The following OR6N1 variants were observed in gnomAD, a reference collection of about 807,000 sequenced individuals.
OR6N1 encodes the protein olfactory receptor 6N1.
For missense variants in OR6N1, 394 were observed against 371.7 expected, an observed-to-expected ratio of 1.06 and a Z score of -0.49; for synonymous variants, 170 against 150.7, an observed-to-expected ratio of 1.13 and a Z score of -0.94.
At chr1:158,775,644 A>G (rs1215067385), upstream of OR6N1, 1 of 152,250 alleles carries the variant, frequency 6.6e-6, no homozygotes, top group Non-Finnish European at 1.5e-5. Context: ...TGGGTAGAAT[A>G]TTATTACATT....
At chr1:158,828,991 C>T in the OR6N1 span, among the ~76,000 whole-genome samples, 13,067 of 152,296 alleles carry the variant, frequency 0.086, 665 homozygotes, top group East Asian at 0.12. Flanking sequence ...TAGCCCCCTT[C>T]AGCCACTGCT....
chr1:158,780,739 G>A, the OR6N1 span, among the ~76,000 whole-genome samples: 67 of 152,208 alleles, frequency 4.4e-4, no homozygotes, highest in Middle Eastern at 0.014. Context: ...TAGAATTATC[G>A]TTCATTGGGG....
At chr1:158,813,167 A>G in the OR6N1 span, among the ~76,000 whole-genome samples, 1 of 152,242 alleles carries the variant, frequency 6.6e-6, no homozygotes, top group African/African-American at 2.4e-5. Flanking sequence ...CATTGCTTAT[A>G]GGAGTACAAA....
At chr1:158,824,789 T>C in the OR6N1 span, among the ~76,000 whole-genome samples, 1 of 152,192 alleles carries the variant, frequency 6.6e-6, no homozygotes, top group Admixed American at 6.5e-5. Flanking sequence ...ACTGGACCCC[T>C]TCCTTACCCC....
chr1:158,765,734 C>T lies in OR6N1; in HGVS notation c.*10G>A, dbSNP rs140306199. On this transcript the variant is annotated 3_prime_UTR_variant, in exon 2 of 2. Coordinates refer to ENST00000641846, the MANE Select transcript of OR6N1 (RefSeq NM_001005185.2). ...CTCAGGCCCGGCCTTGGCCTACTCT[C>T]AGCCCCAACTCATGCCAATATCCCA... The T allele has an allele frequency of 9.6e-5, 154 of 1,603,986 alleles. No individual in the cohort carries two copies. In the African/African-American group the frequency reaches 2.0e-3, roughly 20 times the overall value.
At chr1:158,809,041 T>A in the OR6N1 span, 2 of 152,762 alleles carry the variant, frequency 1.3e-5, no homozygotes, top group African/African-American at 2.4e-5. Context: ...CATAGCTGAA[T>A]AAAGCATACA....
the OR6N1 span, among the ~76,000 whole-genome samples, chr1:158,791,964 G>A: frequency 1.3e-5 from 2 of 152,104 alleles, no homozygotes; most frequent in Non-Finnish European, 2.9e-5. Flanking sequence ...TTTATGCCTC[G>A]ATTATCTGTC....
the OR6N1 span, among the ~76,000 whole-genome samples, chr1:158,790,593 A>C: frequency 6.6e-6 from 1 of 151,836 alleles, no homozygotes; most frequent in South Asian, 2.1e-4. Flanking sequence ...TTTAGTAGAG[A>C]TGGGGTTTCA....
chr1:158,798,920 G>T, the OR6N1 span, among the ~76,000 whole-genome samples: 1 of 152,118 alleles, frequency 6.6e-6, no homozygotes, highest in Non-Finnish European at 1.5e-5. Flanking sequence ...AACCGGGCAG[G>T]CTGGCTCCCT....
At chr1:158,785,131 G>A in the OR6N1 span, among the ~76,000 whole-genome samples, 8 of 152,126 alleles carry the variant, frequency 5.3e-5, no homozygotes, top group Non-Finnish European at 7.4e-5. Context: ...TTCACTTAAT[G>A]AATAGATTTA....
the OR6N1 span, among the ~76,000 whole-genome samples, chr1:158,822,488 A>T: frequency 2.6e-5 from 4 of 152,018 alleles, no homozygotes; most frequent in Non-Finnish European, 5.9e-5. Context: ...TGTGTTCTTG[A>T]TTTGGCTCTC....
At chr1:158,797,996 T>C in the OR6N1 span, among the ~76,000 whole-genome samples, 1 of 152,072 alleles carries the variant, frequency 6.6e-6, no homozygotes, top group Non-Finnish European at 1.5e-5. Context: ...TTCTAATTTA[T>C]AATTTTTTAG....
At chr1:158,779,018 C>CCAAAAAAAAAAA in the OR6N1 span, among the ~76,000 whole-genome samples, 73 of 86,366 alleles carry the variant, frequency 8.5e-4, 1 homozygote, top group African/African-American at 3.9e-3. Flanking sequence ...GACTGCGTCT[C>CCAAAAAAAAAAA]AAAAAAAAAA....
intron 1 of OR6N1, among the ~76,000 whole-genome samples, chr1:158,771,195 A>T (rs1219700917): frequency 6.6e-6 from 1 of 152,142 alleles, no homozygotes; most frequent in African/African-American, 2.4e-5. Context: ...GTTCTTTCAC[A>T]CTTCTAAATT....
At chr1:158,792,467 T>A in the OR6N1 span, among the ~76,000 whole-genome samples, 34 of 152,298 alleles carry the variant, frequency 2.2e-4, no homozygotes, top group Admixed American at 5.2e-4. Flanking sequence ...TTCTTCACTG[T>A]GTTATTATTT....
At chr1:158,768,104 C>T (rs900763744) in intron 1 of OR6N1, among the ~76,000 whole-genome samples, 22 of 152,116 alleles carry the variant, frequency 1.4e-4, no homozygotes, top group African/African-American at 5.1e-4. Flanking sequence ...GTTTCTCCTC[C>T]ATGCCCCATC....
the OR6N1 span, among the ~76,000 whole-genome samples, chr1:158,795,128 G>A: frequency 6.6e-6 from 1 of 152,190 alleles, no homozygotes; most frequent in Non-Finnish European, 1.5e-5. Flanking sequence ...ATGTTCCAAG[G>A]AAGAGTGTAG....
At chr1:158,816,707 A>C in the OR6N1 span, among the ~76,000 whole-genome samples, 1 of 152,180 alleles carries the variant, frequency 6.6e-6, no homozygotes. Flanking sequence ...AAAACAAACA[A>C]ACAAAATTGT....
the OR6N1 span, chr1:158,777,540 T>C: frequency 1.9e-6 from 3 of 1,613,916 alleles, no homozygotes; most frequent in African/African-American, 1.3e-5. Context: ...GGTATGCCAA[T>C]AGCAGCAGGA....
Sources: gnomAD v4.1 joint callset for allele counts (sites outside exome capture counted in the v4.1 genomes callset) on GRCh38, gnomAD v4.1.1 for gene constraint, MANE v1.5 for transcripts, NCBI Gene and HGNC (gene_info 2026-07-23, HGNC 2026-07-21) for gene names.